SWT1: variants seen among roughly 807,000 people sequenced by gnomAD.
SWT1 encodes SWT1 RNA endoribonuclease homolog.
Under a neutral mutation model 107.3 loss-of-function variants are expected in SWT1, and 33 were observed. That is an observed-to-expected ratio of 0.31 (90% CI 0.23 to 0.41). SWT1 has a LOEUF of 0.41. SWT1 is among the 10% of genes least tolerant of loss of function. The probability of loss-of-function intolerance (pLI) is 1.00; values close to 1 mark genes in which losing one functional copy is unlikely to be tolerated. For synonymous variants in SWT1, 345 were observed against 348.3 expected (o/e 0.99, Z 0.11); for missense variants, 898 against 1,028.9 (o/e 0.87, Z 1.74).
intron 15 of SWT1, chr1:185,227,399 A>G: frequency 1.5e-6 from 1 of 686,710 alleles, no homozygotes; most frequent in Non-Finnish European, 2.7e-6. Flanking sequence ...GCAGGCCAGT[A>G]CAATATGCCG....
intron 9 of SWT1, among the ~76,000 whole-genome samples, chr1:185,189,256 T>G (rs1265275074): frequency 2.0e-5 from 3 of 152,288 alleles, no homozygotes; most frequent in African/African-American, 7.2e-5. Context: ...CTCAAAATGT[T>G]GGGATCACAG....
intron 13 of SWT1, among the ~76,000 whole-genome samples, chr1:185,209,985 G>A (rs983623334): frequency 5.3e-5 from 8 of 152,146 alleles, no homozygotes; most frequent in African/African-American, 1.7e-4. Context: ...TTGATGATGA[G>A]CTTTCTTTCA....
intron 7 of SWT1, among the ~76,000 whole-genome samples, chr1:185,183,257 T>C (rs1045715703): frequency 2.6e-5 from 4 of 152,178 alleles, no homozygotes; most frequent in African/African-American, 9.6e-5. Context: ...GCTAGAATTA[T>C]TATGTTTTTT....
intron 16 of SWT1, among the ~76,000 whole-genome samples, chr1:185,260,168 A>T (rs1455617037): frequency 6.6e-6 from 1 of 152,176 alleles, no homozygotes; most frequent in Non-Finnish European, 1.5e-5. Flanking sequence ...ATCATCCTTA[A>T]GCCCAAGGGG....
At chr1:185,200,776 C>T (rs969090874) in intron 10 of SWT1, among the ~76,000 whole-genome samples, 5 of 152,232 alleles carry the variant, frequency 3.3e-5, no homozygotes, top group Non-Finnish European at 5.9e-5. Context: ...AGCTCGAGCG[C>T]TGTGCTGGGA....
At chr1:185,203,706 G>T (rs928326849) in intron 11 of SWT1, among the ~76,000 whole-genome samples, 8 of 151,378 alleles carry the variant, frequency 5.3e-5, no homozygotes, top group Admixed American at 6.6e-5. Context: ...GATATTTGAA[G>T]AAATATTTTA....
intron 10 of SWT1, among the ~76,000 whole-genome samples, chr1:185,193,659 G>A (rs573854900): frequency 6.6e-5 from 10 of 151,990 alleles, no homozygotes; most frequent in Non-Finnish European, 1.2e-4. Flanking sequence ...TAGAGACAGG[G>A]TTTCACCATG....
chr1:185,247,577 G>A (rs563783364), intron 16 of SWT1, among the ~76,000 whole-genome samples: 2 of 152,244 alleles, frequency 1.3e-5, no homozygotes, highest in African/African-American at 2.4e-5. Context: ...CAATTATAAG[G>A]GAAATTTTGT....
chr1:185,204,029 T>C (rs1658103738), intron 11 of SWT1, among the ~76,000 whole-genome samples: 1 of 152,190 alleles, frequency 6.6e-6, no homozygotes, highest in African/African-American at 2.4e-5. Flanking sequence ...TTTTCAAGTA[T>C]CTAAAAAGTA....
At chr1:185,198,601 G>C (rs997706922) in intron 10 of SWT1, among the ~76,000 whole-genome samples, 1 of 152,102 alleles carries the variant, frequency 6.6e-6, no homozygotes, top group Non-Finnish European at 1.5e-5. Flanking sequence ...CTTGCTTTAT[G>C]AATCTGCTGC....
At chr1:185,253,459 T>C (rs2102656238) in intron 16 of SWT1, among the ~76,000 whole-genome samples, 1 of 151,748 alleles carries the variant, frequency 6.6e-6, no homozygotes, top group Non-Finnish European at 1.5e-5. Context: ...TTTATTTCCT[T>C]GAGCAGTGGT....
At chr1:185,284,715 T>C (rs760229259) in intron 18 of SWT1, among the ~76,000 whole-genome samples, 2 of 152,188 alleles carry the variant, frequency 1.3e-5, no homozygotes, top group African/African-American at 2.4e-5. Context: ...TGAGTTAGGG[T>C]GTCCAGCATA....
intron 4 of SWT1, chr1:185,171,780 C>T (rs533661974): frequency 6.8e-5 from 26 of 381,516 alleles, no homozygotes; most frequent in East Asian, 5.1e-4. Context: ...GGCACAGTCT[C>T]GGCTCACTGC....
intron 13 of SWT1, among the ~76,000 whole-genome samples, chr1:185,213,552 G>C (rs1368076281): frequency 6.6e-6 from 1 of 152,118 alleles, no homozygotes; most frequent in Non-Finnish European, 1.5e-5. Context: ...AAGTGATACA[G>C]AGAAACTCCT....
At chr1:185,252,285 G>T (rs943588416) in intron 16 of SWT1, among the ~76,000 whole-genome samples, 1 of 151,864 alleles carries the variant, frequency 6.6e-6, no homozygotes, top group Non-Finnish European at 1.5e-5. Context: ...ATAGTCCTTT[G>T]GGTATATACC....
rs1448597662 is a variant in SWT1 at position 185,254,501 on chromosome 1, G to A, written c.2442-16822G>A. 2.9e-4 allele frequency among the ~76,000 whole-genome samples: 41 copies of A among 143,260 alleles called. No individual in the cohort carries two copies. The South Asian group carries it at 6.8e-3, about 24-fold the overall frequency. The allele number at this position is 143,260 out of a possible 152,430, so 94.0% of individuals were successfully genotyped here. A position where few individuals can be genotyped will look rare whatever the true frequency, so the allele number is the denominator to read the frequency against. On this transcript the variant is annotated intron_variant, in intron 16 of 18. Coordinates refer to ENST00000367500, the MANE Select transcript of SWT1 (RefSeq NM_017673.7). ...AGAGATTCAACTTCTTCCTGGTTTA[G>A]TCTTGGGAGAGTGTATGTGTCGAGG...
At chr1:185,222,575 G>C (rs912479906) in intron 15 of SWT1, among the ~76,000 whole-genome samples, 1 of 151,738 alleles carries the variant, frequency 6.6e-6, no homozygotes, top group Non-Finnish European at 1.5e-5. Context: ...TGGCCAACAT[G>C]GTGAAACCCC....
intron 16 of SWT1, among the ~76,000 whole-genome samples, chr1:185,261,226 T>C (rs1218562857): frequency 6.6e-6 from 1 of 152,148 alleles, no homozygotes; most frequent in African/African-American, 2.4e-5. Flanking sequence ...TTGACTACTT[T>C]AGGTACCTAA....
intron 13 of SWT1, among the ~76,000 whole-genome samples, chr1:185,208,909 CAG>C (rs1350080945): frequency 6.6e-6 from 1 of 152,070 alleles, no homozygotes; most frequent in East Asian, 1.9e-4. Flanking sequence ...TGCTTAAAAA[CAG>C]AGTTTATTGG....
Sources: allele counts gnomAD v4.1 joint callset (sites outside exome capture counted in the v4.1 genomes callset), GRCh38; gene constraint gnomAD v4.1.1; transcripts MANE v1.5; gene names NCBI Gene and HGNC (gene_info 2026-07-23, HGNC 2026-07-21).